Variants in GALK2 observed in about 807,000 individuals in gnomAD.
The protein encoded by GALK2 is N-acetylgalactosamine kinase.
GALK2 carries 36 observed loss-of-function variants against 52.4 expected under a neutral mutation model. That is an observed-to-expected ratio of 0.69 (90% CI 0.53 to 0.91). The LOEUF (loss-of-function observed/expected upper bound fraction) is 0.91. Among genes scored for constraint, GALK2 ranks in the 40% least tolerant of loss-of-function variants. The pLI is 0.00. For synonymous variants in GALK2, 176 were observed against 199.1 expected, an observed-to-expected ratio of 0.88 and a Z score of 0.98; for missense variants, 579 against 559.1, an observed-to-expected ratio of 1.04 and a Z score of -0.36.
chr15:49,255,338 C>T lies in GALK2; in HGVS notation c.504+15971C>T, dbSNP rs2091770343. Among the ~76,000 whole-genome samples the T allele has an allele frequency of 2.8e-5, 4 of 142,112 alleles. No individual in the cohort carries two copies. The South Asian group carries it at 6.9e-4, about 25-fold the overall frequency. The allele number at this position is 142,112 out of a possible 152,430, so 93.2% of individuals were successfully genotyped here. ...TACTCATAATAATACTCAGTTTTAC[C>T]AATAATTGGATTTAATTAATATCAT... On this transcript the variant is annotated intron_variant, in intron 5 of 9. Coordinates refer to ENST00000560031, the MANE Select transcript of GALK2 (RefSeq NM_002044.4).
chr15:49,238,013 G>A (rs1000991809), intron 4 of GALK2, among the ~76,000 whole-genome samples: 3 of 152,172 alleles, frequency 2.0e-5, no homozygotes, highest in African/African-American at 7.2e-5. Context: ...ATTGTGGTGC[G>A]AGAATTTTGC....
In GALK2 at chr15:49,215,409, C is replaced by A. The variant is rs558040598; in HGVS notation, c.143-1781C>A. 1.6e-4 allele frequency among the ~76,000 whole-genome samples: 25 copies of A among 152,202 alleles called. No individual in the cohort carries two copies. The South Asian group carries it at 5.2e-3, about 32-fold the overall frequency. The stretch of plus-strand genomic sequence containing the variant: ...TTTTCTAGATCTTGTAGAGAGGCTT[C>A]ATTCTTTTAAAATTATTTCTCTTTT... On this transcript the variant is annotated intron_variant, in intron 2 of 9. Transcript: ENST00000560031.
rs536368693 is a variant in GALK2 at position 49,274,531 on chromosome 15, T to C, written c.505-7456T>C. 5.9e-4 allele frequency among the ~76,000 whole-genome samples: 90 copies of C among 152,326 alleles called. No homozygotes were observed. In the South Asian group the frequency reaches 0.01, roughly 17 times the overall value. On this transcript the variant is annotated intron_variant, in intron 5 of 9. Coordinates refer to ENST00000560031, the MANE Select transcript of GALK2 (RefSeq NM_002044.4). ...CATGACTGTACACTACTGTAGACTTTATCAACACTGTCCATGTAGGCTACA... is the reference window on the plus strand; with the variant it reads ...CATGACTGTACACTACTGTAGACTTCATCAACACTGTCCATGTAGGCTACA...
chr15:49,223,760 A>G (rs565960517), intron 3 of GALK2, among the ~76,000 whole-genome samples: 130 of 152,190 alleles, frequency 8.5e-4, no homozygotes, highest in Non-Finnish European at 1.3e-3. Context: ...TGGTGTATGT[A>G]TACCACAGTT....
intron 7 of GALK2, among the ~76,000 whole-genome samples, chr15:49,289,453 C>G (rs2033713689): frequency 6.6e-6 from 1 of 152,194 alleles, no homozygotes; most frequent in Non-Finnish European, 1.5e-5. Context: ...CTACCATACC[C>G]TCTTACCAGA....
chr15:49,351,262 A>C (rs1369029395), intron 3 of GALK2, among the ~76,000 whole-genome samples: 1 of 152,202 alleles, frequency 6.6e-6, no homozygotes, highest in East Asian at 1.9e-4. Flanking sequence ...CACAATGCAA[A>C]AATGACTACT....
chr15:49,312,856 A>G (rs1310510920), intron 8 of GALK2, among the ~76,000 whole-genome samples: 2 of 152,202 alleles, frequency 1.3e-5, no homozygotes, highest in African/African-American at 2.4e-5. Flanking sequence ...ATTATAATTC[A>G]ATACATTGTT....
At chr15:49,233,780 A>C (rs2090637020) in intron 3 of GALK2, among the ~76,000 whole-genome samples, 1 of 152,202 alleles carries the variant, frequency 6.6e-6, no homozygotes, top group South Asian at 2.1e-4. Context: ...TTGAGCCTCC[A>C]GGAAGACGTC....
chr15:49,258,829 T>TGTGTGA (rs1335491479), intron 5 of GALK2, among the ~76,000 whole-genome samples: 6 of 124,122 alleles, frequency 4.8e-5, no homozygotes, highest in African/African-American at 1.9e-4. Flanking sequence ...TGTGTGTGTG[T>TGTGTGA]GAGAGAGAGA....
intron 8 of GALK2, among the ~76,000 whole-genome samples, chr15:49,308,056 G>A (rs189800565): frequency 4.8e-4 from 73 of 152,300 alleles, no homozygotes; most frequent in African/African-American, 1.7e-3. Flanking sequence ...TTATCACTAG[G>A]AAAATAAATT....
intron 8 of GALK2, among the ~76,000 whole-genome samples, chr15:49,294,556 G>T (rs2034279786): frequency 6.6e-6 from 1 of 152,096 alleles, no homozygotes; most frequent in Non-Finnish European, 1.5e-5. Context: ...GAGGTTCAGG[G>T]GAATTGCCTT....
intron 5 of GALK2, among the ~76,000 whole-genome samples, chr15:49,272,411 C>G (rs1169003332): frequency 1.3e-5 from 2 of 152,036 alleles, no homozygotes; most frequent in Non-Finnish European, 2.9e-5. Context: ...ATTTAAAGAG[C>G]TGTTTCAGAT....
intron 5 of GALK2, among the ~76,000 whole-genome samples, chr15:49,254,761 CA>C: frequency 6.9e-6 from 1 of 144,078 alleles, no homozygotes; most frequent in East Asian, 1.9e-4. Flanking sequence ...TAGAAGTTTT[CA>C]TTGATTTTCT....
chr15:49,192,485 G>GTATATATGTA (rs2086806600), intron 1 of GALK2, among the ~76,000 whole-genome samples: 1 of 102,976 alleles, frequency 9.7e-6, no homozygotes, highest in African/African-American at 4.1e-5. Flanking sequence ...ATATATATAT[G>GTATATATGTA]TATATATATA....
chr15:49,216,462 C>T (rs2089382024), intron 2 of GALK2, among the ~76,000 whole-genome samples: 1 of 152,200 alleles, frequency 6.6e-6, no homozygotes, highest in Non-Finnish European at 1.5e-5. Context: ...CCAAACTGCA[C>T]TTCCTGGAGT....
intron 3 of GALK2, among the ~76,000 whole-genome samples, chr15:49,228,320 T>C (rs2090254397): frequency 6.6e-6 from 1 of 152,064 alleles, no homozygotes; most frequent in South Asian, 2.1e-4. Flanking sequence ...TTCTATCCTT[T>C]TGGTTTTCTC....
chr15:49,271,153 G>C (rs1380414200), intron 5 of GALK2, among the ~76,000 whole-genome samples: 1 of 152,184 alleles, frequency 6.6e-6, no homozygotes, highest in East Asian at 1.9e-4. Flanking sequence ...GCCAGCCAAA[G>C]GAGTGACACC....
chr15:49,212,521 C>T (rs917927480), intron 2 of GALK2, among the ~76,000 whole-genome samples: 4 of 151,850 alleles, frequency 2.6e-5, no homozygotes, highest in Admixed American at 6.6e-5. Context: ...TGCTCTGATC[C>T]GAATTCTTTT....
At chr15:49,170,899 CG>C (rs2085032470) in intron 1 of GALK2, among the ~76,000 whole-genome samples, 1 of 151,954 alleles carries the variant, frequency 6.6e-6, no homozygotes, top group African/African-American at 2.4e-5. Context: ...AGTGATGTCT[CG>C]GGGAGGATCT....
Sources: allele counts gnomAD v4.1 joint callset (sites outside exome capture counted in the v4.1 genomes callset), GRCh38; gene constraint gnomAD v4.1.1; transcripts MANE v1.5; gene names NCBI Gene and HGNC (gene_info 2026-07-23, HGNC 2026-07-21).